The following UBE4B variants were observed in gnomAD, a reference collection of about 807,000 sequenced individuals.
The protein encoded by UBE4B is ubiquitin conjugation factor E4 B.
Under a neutral mutation model 148.1 loss-of-function variants are expected in UBE4B, and 27 were observed. The ratio of observed to expected loss-of-function variants is 0.18; its 90% CI spans 0.13 to 0.25. The LOEUF (loss-of-function observed/expected upper bound fraction) is 0.25, where lower values mean the gene tolerates loss of function less well. UBE4B is among the 10% of genes least tolerant of loss of function. The pLI is 1.00. For missense variants in UBE4B, 1,170 were observed against 1,662.4 expected, an observed-to-expected ratio of 0.70 and a Z score of 5.15; for synonymous variants, 596 against 619.3, an observed-to-expected ratio of 0.96 and a Z score of 0.56.
chr1:10,035,471 A>G (rs1008700424), intron 1 of UBE4B, among the ~76,000 whole-genome samples: 2 of 123,000 alleles, frequency 1.6e-5, no homozygotes, highest in Non-Finnish European at 3.1e-5. Flanking sequence ...ATCTCAGCTC[A>G]CTGCAAGCTC....
chr1:10,095,858 G>A (rs1444909034), intron 3 of UBE4B, among the ~76,000 whole-genome samples: 4 of 152,072 alleles, frequency 2.6e-5, no homozygotes, highest in Non-Finnish European at 4.4e-5. Flanking sequence ...TGCAATTTCC[G>A]CCTCCCAGGT....
Position 10,179,881 on chromosome 1 carries a change from T to C in UBE4B, c.3848-14T>C. Reference sequence around the variant, plus strand: ...CCATCTGGGGCATTAATCCTCCTTTTTTTCTTTTCTCAGTGCCAGAACTGA... The same window carrying C: ...CCATCTGGGGCATTAATCCTCCTTTCTTTCTTTTCTCAGTGCCAGAACTGA... On this transcript the variant is annotated splice_polypyrimidine_tract_variant and intron_variant, in intron 27 of 27. Transcript: ENST00000343090. The C allele has an allele frequency of 1.9e-6, 3 of 1,613,570 alleles. No individual in the cohort carries two copies. Among genetic ancestry groups the C allele is most frequent in the Non-Finnish European group, 2.5e-6 (3 of 1,180,018 alleles).
chr1:10,047,845 C>G (rs1643944886), intron 1 of UBE4B, among the ~76,000 whole-genome samples: 1 of 152,172 alleles, frequency 6.6e-6, no homozygotes, highest in South Asian at 2.1e-4. Context: ...TGGCCACACT[C>G]AAATGCAAAC....
chr1:10,107,248 T>A, intron 7 of UBE4B: 1 of 1,289,672 alleles, frequency 7.8e-7, no homozygotes, highest in Non-Finnish European at 1.0e-6. Flanking sequence ...TTCTCCTTCC[T>A]CTTCCTCGCA....
At chr1:10,064,670 A>G (rs1031074328) in intron 1 of UBE4B, among the ~76,000 whole-genome samples, 1 of 151,784 alleles carries the variant, frequency 6.6e-6, no homozygotes, top group African/African-American at 2.4e-5. Flanking sequence ...TGGCTAGTCC[A>G]TCTCTGTGCC....
At chr1:10,153,613 A>G (rs1646016804) in intron 21 of UBE4B, among the ~76,000 whole-genome samples, 1 of 150,566 alleles carries the variant, frequency 6.6e-6, no homozygotes, top group African/African-American at 2.5e-5. Context: ...TGAGGTCAGG[A>G]GTTCGAGACT....
In UBE4B at chr1:10,106,064, A is replaced by T; in HGVS notation, c.810-133A>T. 1 of 1,045,710 alleles carries T rather than the reference A, an allele frequency of 9.6e-7. No individual in the cohort carries two copies. Among genetic ancestry groups the T allele is most frequent in the Non-Finnish European group, 1.4e-6 (1 of 738,872 alleles). 64.8% of individuals were successfully genotyped at this position (1,045,710 alleles called of 1,614,324 possible). A position where few individuals can be genotyped will look rare whatever the true frequency, so the allele number is the denominator to read the frequency against. ...TAGGGCAATTAGATTATAATTATTT[A>T]GATGTTTATCTGCTAGATATACTTG... On this transcript the variant is annotated intron_variant, in intron 6 of 27. Transcript: ENST00000343090. This position sits in a 1 kb window ranked among gnomAD's most constrained non-coding sequence, Gnocchi z 4.2.
At chr1:10,067,953 C>T (rs1052464156) in intron 1 of UBE4B, among the ~76,000 whole-genome samples, 47 of 151,992 alleles carry the variant, frequency 3.1e-4, no homozygotes, top group African/African-American at 1.1e-3. Context: ...TGGTCTCGAT[C>T]TCCTGACCTT....
At chr1:10,137,595 C>T (rs1337932685) in intron 17 of UBE4B, among the ~76,000 whole-genome samples, 1 of 152,150 alleles carries the variant, frequency 6.6e-6, no homozygotes, top group African/African-American at 2.4e-5. Flanking sequence ...CCTTGATAAC[C>T]AGGATCATTT....
chr1:10,096,064 C>T (rs1331188717), intron 3 of UBE4B, among the ~76,000 whole-genome samples: 2 of 152,166 alleles, frequency 1.3e-5, no homozygotes, highest in East Asian at 1.9e-4. Context: ...AGCCACTGTG[C>T]GTGGCCCACT....
chr1:10,099,075 C>T (rs1187013687), intron 3 of UBE4B, among the ~76,000 whole-genome samples: 1 of 151,936 alleles, frequency 6.6e-6, no homozygotes, highest in Non-Finnish European at 1.5e-5. Flanking sequence ...CCTGTTTCCA[C>T]TAAAAATACA....
At chr1:10,122,146 C>A in intron 10 of UBE4B, 70 bp downstream of exon 10, 2 of 1,087,434 alleles carry the variant, frequency 1.8e-6, no homozygotes. Flanking sequence ...AATTTCTGAC[C>A]ATTGAAAACT....
intron 1 of UBE4B, among the ~76,000 whole-genome samples, chr1:10,043,350 A>G (rs1014603191): frequency 4.0e-5 from 6 of 150,980 alleles, no homozygotes; most frequent in African/African-American, 7.3e-5. Flanking sequence ...CTGTTTTTCA[A>G]TCATTTCTGA....
At chr1:10,060,728 T>G (rs1041121603) in intron 1 of UBE4B, among the ~76,000 whole-genome samples, 2 of 152,196 alleles carry the variant, frequency 1.3e-5, no homozygotes, top group African/African-American at 4.8e-5. Flanking sequence ...TTGCTGTGTA[T>G]TTTAGAATCC....
rs540177037 is a variant in UBE4B, at chr1:10,033,603, TCCTC to T, written c.-65_-62del. ...CCTGATAGACACCTTCCACTCTCCT[TCCTC>T]CCGCCGTGGTCTCGAGAACAGAAGG... is the stretch of plus-strand genomic sequence containing the variant. On this transcript the variant is annotated 5_prime_UTR_variant, in exon 1 of 28. Coordinates refer to ENST00000343090, the MANE Select transcript of UBE4B (RefSeq NM_001105562.3). The T allele has an allele frequency of 1.2e-4, 171 of 1,449,812 alleles. No homozygotes were observed. The African/African-American group carries it at 2.3e-3, about 19-fold the overall frequency. 89.8% of individuals were successfully genotyped at this position (1,449,812 alleles called of 1,614,324 possible).
chr1:10,176,784 CTT>C (rs946016031), intron 25 of UBE4B, among the ~76,000 whole-genome samples: 4 of 121,774 alleles, frequency 3.3e-5, no homozygotes, highest in Non-Finnish European at 5.3e-5. Flanking sequence ...TTTTCTTTTT[CTT>C]TTTTTTTTTT....
intron 1 of UBE4B, among the ~76,000 whole-genome samples, chr1:10,053,713 CTA>C (rs1644101149): frequency 6.6e-6 from 1 of 151,772 alleles, no homozygotes; most frequent in Non-Finnish European, 1.5e-5. Flanking sequence ...CAAGGTCTTG[CTA>C]TGTCACCCAG....
intron 23 of UBE4B, among the ~76,000 whole-genome samples, chr1:10,166,649 C>T (rs1017702374): frequency 6.6e-5 from 10 of 152,032 alleles, no homozygotes; most frequent in Admixed American, 2.0e-4. Context: ...TTAGGCCAGG[C>T]GCATTGGCTC....
rs1008694620 is a variant in UBE4B at position 10,175,378 on chromosome 1, G to A, written c.3526-3266G>A. Reference sequence around the variant, plus strand: ...AGAAAATAAAAAAAAATAGCCGGGTGCAGTGGCTCACGCCTGTAATCCCAG... The same window carrying A: ...AGAAAATAAAAAAAAATAGCCGGGTACAGTGGCTCACGCCTGTAATCCCAG... On this transcript the variant is annotated intron_variant, in intron 25 of 27. Coordinates refer to ENST00000343090, the MANE Select transcript of UBE4B (RefSeq NM_001105562.3). 2.1e-4 allele frequency among the ~76,000 whole-genome samples: 32 copies of A among 152,132 alleles called. 1 individual carries two copies. The highest frequency in any genetic ancestry group is 7.2e-4 in the Admixed American group (11 of 15,266).
Sources: allele counts gnomAD v4.1 joint callset (sites outside exome capture counted in the v4.1 genomes callset), GRCh38; gene constraint gnomAD v4.1.1; non-coding constraint Gnocchi (gnomAD v3.1); transcripts MANE v1.5; gene names NCBI Gene and HGNC (gene_info 2026-07-23, HGNC 2026-07-21).